CTNND2: variants seen among roughly 807,000 people sequenced by gnomAD.
CTNND2 encodes catenin delta-2.
In CTNND2, 22 loss-of-function variants were observed where a neutral mutation model predicts 144.4. The ratio of observed to expected loss-of-function variants is 0.15; its 90% CI spans 0.11 to 0.22. The LOEUF is 0.22. Among genes scored for constraint, CTNND2 ranks in the 10% least tolerant of loss-of-function variants. The probability of loss-of-function intolerance (pLI) is 1.00; values close to 1 mark genes in which losing one functional copy is unlikely to be tolerated. For missense variants in CTNND2, 1,353 were observed against 1,618.8 expected (o/e 0.84, Z 2.82); for synonymous variants, 751 against 695.6 (o/e 1.08, Z -1.25).
chr5:11,719,755 T>C (rs1039691197), intron 2 of CTNND2, among the ~76,000 whole-genome samples: 1 of 151,914 alleles, frequency 6.6e-6, no homozygotes, highest in Non-Finnish European at 1.5e-5. Context: ...CAGATATTCA[T>C]TCAGATTCTC....
At chr5:11,377,640 A>G (rs1207397952) in intron 7 of CTNND2, among the ~76,000 whole-genome samples, 1 of 152,212 alleles carries the variant, frequency 6.6e-6, no homozygotes, top group African/African-American at 2.4e-5. Context: ...CATTTGATTT[A>G]CAAGGATGCT....
intron 1 of CTNND2, among the ~76,000 whole-genome samples, chr5:11,771,578 A>C (rs1383960594): frequency 6.6e-6 from 1 of 152,294 alleles, no homozygotes; most frequent in African/African-American, 2.4e-5. Flanking sequence ...AAATTCTACA[A>C]TGTTGCTTTA....
chr5:11,411,622 G>A lies in CTNND2; in HGVS notation c.353C>T (p.Thr118Ile). The change falls in exon 5 of 22, where the codon ACA becomes ATA. Residue 118 changes from threonine to isoleucine, a missense_variant. Coordinates refer to ENST00000304623, the MANE Select transcript of CTNND2 (RefSeq NM_001332.4). ...DGQKDIEDEL[T>I]TGLELVDSCI... Reference sequence around the variant, plus strand: ...GGAGTCCACCAGCTCGAGACCTGTTGTAAGCTCATCTTCGATATCTTTTTG... The same window carrying A: ...GGAGTCCACCAGCTCGAGACCTGTTATAAGCTCATCTTCGATATCTTTTTG... 1 of 1,610,876 alleles carries A rather than the reference G, an allele frequency of 6.2e-7. No homozygotes were observed. Among genetic ancestry groups the A allele is most frequent in the Non-Finnish European group, 8.5e-7 (1 of 1,177,676 alleles).
chr5:11,267,705 T>C (rs1398193663), intron 9 of CTNND2, among the ~76,000 whole-genome samples: 1 of 152,200 alleles, frequency 6.6e-6, no homozygotes, highest in Non-Finnish European at 1.5e-5. Flanking sequence ...TTGTCTGATA[T>C]AAAGGAAAAT....
At chr5:11,063,736 T>A (rs1747245966) in intron 16 of CTNND2, among the ~76,000 whole-genome samples, 1 of 151,576 alleles carries the variant, frequency 6.6e-6, no homozygotes, top group Non-Finnish European at 1.5e-5. Flanking sequence ...GTCAGTTTTA[T>A]TTTTAAAATG....
At chr5:11,776,210 G>T (rs577124712) in intron 1 of CTNND2, among the ~76,000 whole-genome samples, 1 of 152,262 alleles carries the variant, frequency 6.6e-6, no homozygotes, top group East Asian at 1.9e-4. Context: ...GGTGGGGGCA[G>T]AATCCTAGGT....
At chr5:11,798,114 T>C (rs1191163845) in intron 1 of CTNND2, among the ~76,000 whole-genome samples, 1 of 150,296 alleles carries the variant, frequency 6.7e-6, no homozygotes, top group African/African-American at 2.5e-5. Flanking sequence ...AAAAAAAAAA[T>C]AGCCAGTCGT....
intron 15 of CTNND2, among the ~76,000 whole-genome samples, chr5:11,091,997 C>T (rs545343334): frequency 1.2e-4 from 19 of 152,206 alleles, no homozygotes; most frequent in Admixed American, 3.3e-4. Flanking sequence ...TGATATCTCC[C>T]GATTCCCCGA....
intron 2 of CTNND2, among the ~76,000 whole-genome samples, chr5:11,676,894 T>A (rs1457183244): frequency 6.6e-6 from 1 of 152,214 alleles, no homozygotes; most frequent in Non-Finnish European, 1.5e-5. Context: ...AATTAATATA[T>A]TACCATTCAA....
intron 3 of CTNND2, among the ~76,000 whole-genome samples, chr5:11,542,577 G>A (rs754183732): frequency 6.6e-6 from 1 of 152,130 alleles, no homozygotes; most frequent in Non-Finnish European, 1.5e-5. Flanking sequence ...TAATGAGAAG[G>A]TGGTGAAATG....
At chr5:11,568,001 G>A (rs1777257789) in intron 2 of CTNND2, among the ~76,000 whole-genome samples, 1 of 152,176 alleles carries the variant, frequency 6.6e-6, no homozygotes, top group South Asian at 2.1e-4. Flanking sequence ...ATTTGTTAGG[G>A]GGAGCAGAAC....
At chr5:11,302,573 G>A (rs1749729564) in intron 9 of CTNND2, among the ~76,000 whole-genome samples, 1 of 152,194 alleles carries the variant, frequency 6.6e-6, no homozygotes, top group Non-Finnish European at 1.5e-5. Context: ...CTCAGTTTAG[G>A]TGTGGTTTAG....
At chr5:11,353,177 A>T (rs73742807) in intron 8 of CTNND2, among the ~76,000 whole-genome samples, 1 of 151,368 alleles carries the variant, frequency 6.6e-6, no homozygotes, top group Non-Finnish European at 1.5e-5. Flanking sequence ...CTACCATATT[A>T]GGGGCTTCTT....
At chr5:11,762,742 C>T (rs567368418) in intron 1 of CTNND2, among the ~76,000 whole-genome samples, 1 of 152,164 alleles carries the variant, frequency 6.6e-6, no homozygotes, top group Admixed American at 6.5e-5. Context: ...ACATCTTCCA[C>T]ATGGACTGGT....
At chr5:11,057,155 T>C (rs1014712049) in intron 16 of CTNND2, among the ~76,000 whole-genome samples, 14 of 152,110 alleles carry the variant, frequency 9.2e-5, no homozygotes, top group Admixed American at 7.9e-4. Context: ...ACATTCTGGA[T>C]TGTCAAAACC....
intron 9 of CTNND2, among the ~76,000 whole-genome samples, chr5:11,250,479 CTCTCTCTCTCTCTA>C (rs1255895197): frequency 1.1e-3 from 67 of 63,624 alleles, no homozygotes; most frequent in African/African-American, 5.7e-3. Flanking sequence ...CTCTCTCTCT[CTCTCTCTCTCTCTA>C]TATATATATA....
At chr5:10,999,850 G>C (rs994399225) in intron 18 of CTNND2, among the ~76,000 whole-genome samples, 1 of 152,136 alleles carries the variant, frequency 6.6e-6, no homozygotes, top group Non-Finnish European at 1.5e-5. Context: ...TTCAGCCTCT[G>C]TGCTCAAGTT....
chr5:11,138,996 C>A (rs1238865856), intron 12 of CTNND2, among the ~76,000 whole-genome samples: 1 of 129,698 alleles, frequency 7.7e-6, no homozygotes, highest in Non-Finnish European at 1.7e-5. Flanking sequence ...TTTTTTTTTT[C>A]TTTTCTGAGG....
intron 9 of CTNND2, among the ~76,000 whole-genome samples, chr5:11,291,924 C>A (rs540173155): frequency 6.6e-6 from 1 of 152,040 alleles, no homozygotes; most frequent in South Asian, 2.1e-4. Flanking sequence ...CTATACAAAC[C>A]AGCTATACAA....
Sources: gnomAD v4.1 joint callset for allele counts (sites outside exome capture counted in the v4.1 genomes callset) on GRCh38, gnomAD v4.1.1 for gene constraint, MANE v1.5 for transcripts, NCBI Gene and HGNC (gene_info 2026-07-23, HGNC 2026-07-21) for gene names.